The following PHF14 variants were observed in gnomAD, a reference collection of about 807,000 sequenced individuals.
PHF14 encodes the protein PHD finger protein 14.
A neutral mutation model predicts 117.9 loss-of-function variants in PHF14; 55 were observed. That is an observed-to-expected ratio of 0.47 (90% CI 0.38 to 0.58). The LOEUF (loss-of-function observed/expected upper bound fraction) is 0.58. Ranked by LOEUF, PHF14 falls within the 20% of genes least tolerant of loss-of-function variation. The pLI is 0.00. For missense variants in PHF14, 978 were observed against 1,122.2 expected (o/e 0.87, Z 1.84); for synonymous variants, 409 against 368.6 (o/e 1.11, Z -1.26).
chr7:11,151,972 A>G (rs1256692166), intron 17 of PHF14, among the ~76,000 whole-genome samples: 10 of 152,186 alleles, frequency 6.6e-5, no homozygotes. Flanking sequence ...TTTAAGAAGT[A>G]TACCACAATA....
chr7:11,084,858 T>G (rs1675421642), intron 16 of PHF14, among the ~76,000 whole-genome samples: 1 of 152,138 alleles, frequency 6.6e-6, no homozygotes, highest in Admixed American at 6.5e-5. Context: ...GATGAACCAT[T>G]TGGATTTTCA....
chr7:11,118,092 G>A (rs943391726), intron 17 of PHF14, among the ~76,000 whole-genome samples: 1 of 151,740 alleles, frequency 6.6e-6, no homozygotes, highest in Admixed American at 6.6e-5. Context: ...GCTTTACTGA[G>A]TTTTGGTTTG....
intron 2 of PHF14, among the ~76,000 whole-genome samples, chr7:10,975,411 C>G (rs1235571639): frequency 1.3e-5 from 2 of 152,128 alleles, no homozygotes; most frequent in Admixed American, 6.5e-5. Context: ...GTAAGAGTTG[C>G]ACTTCAAATT....
At chr7:11,017,263 C>G (rs1287921292) in intron 5 of PHF14, among the ~76,000 whole-genome samples, 1 of 151,910 alleles carries the variant, frequency 6.6e-6, no homozygotes, top group Non-Finnish European at 1.5e-5. Flanking sequence ...CGGATGTATA[C>G]CCAACAGTGC....
intron 4 of PHF14, among the ~76,000 whole-genome samples, chr7:10,994,083 G>A (rs1436200316): frequency 6.6e-6 from 1 of 151,914 alleles, no homozygotes; most frequent in Non-Finnish European, 1.5e-5. Flanking sequence ...CCTGAAGGAA[G>A]TAAAGGAGCA....
At chr7:10,986,823 A>C (rs1235729019) in intron 3 of PHF14, among the ~76,000 whole-genome samples, 1 of 152,220 alleles carries the variant, frequency 6.6e-6, no homozygotes, top group Non-Finnish European at 1.5e-5. Flanking sequence ...TTGCATGAGA[A>C]TTAATCCATG....
Position 11,019,852 on chromosome 7 carries a change from G to T in PHF14, c.1206-3016G>T, listed in dbSNP as rs145873576. Among the ~76,000 whole-genome samples the T allele has an allele frequency of 2.1e-3, 325 of 152,034 alleles. 1 individual carries two copies. The highest frequency in any genetic ancestry group is 7.3e-3 in the African/African-American group (303 of 41,494). ...TATTTGAAGTTTTTTCTCTTTTGATGTAGGTACCTATAGCTATAAACCTCC... is the reference window on the plus strand; with the variant it reads ...TATTTGAAGTTTTTTCTCTTTTGATTTAGGTACCTATAGCTATAAACCTCC... On this transcript the variant is annotated intron_variant, in intron 5 of 17. Coordinates refer to ENST00000634607, the MANE Select transcript of PHF14 (RefSeq NM_001007157.2).
At chr7:11,062,671 A>G in intron 16 of PHF14, 3 of 983,398 alleles carry the variant, frequency 3.1e-6, no homozygotes, top group Non-Finnish European at 2.4e-6. Context: ...TTTTAATCAG[A>G]CATAATGCTA....
intron 7 of PHF14, among the ~76,000 whole-genome samples, chr7:11,029,342 T>C (rs549099755): frequency 3.1e-4 from 47 of 152,314 alleles, no homozygotes; most frequent in African/African-American, 9.9e-4. Context: ...GTATTCTGAG[T>C]TTAAAACTAT....
chr7:11,164,680 A>G (rs1283271936), intron 17 of PHF14, among the ~76,000 whole-genome samples: 2 of 149,300 alleles, frequency 1.3e-5, no homozygotes, highest in African/African-American at 2.6e-5. Context: ...TAGTGTAGAA[A>G]TTTCCCATTT....
At position 11,051,720 on chromosome 7, in the gene PHF14, A is replaced by G. The variant is rs1389900526; in HGVS notation, c.2421A>G (p.Pro807=). 1 of 1,613,626 alleles carries G rather than the reference A, an allele frequency of 6.2e-7. No individual in the cohort carries two copies. ...GATCAAGGAGGCAGATTAAGGAACC[A>G]GTGAAATTTGTTCCACAGGATGTGC... ...TKRSRRQIKE[P]VKFVPQDVPP... Residue 807 remains proline, a synonymous_variant, in exon 14 of 18, where the codon CCA becomes CCG. Coordinates refer to ENST00000634607, the MANE Select transcript of PHF14 (RefSeq NM_001007157.2).
At chr7:11,048,034 G>A (rs1784734742) in intron 13 of PHF14, among the ~76,000 whole-genome samples, 1 of 151,808 alleles carries the variant, frequency 6.6e-6, no homozygotes, top group Admixed American at 6.5e-5. Context: ...TCCTGACATG[G>A]ATTTTTATTA....
At chr7:11,079,285 T>G (rs1379517648) in intron 16 of PHF14, among the ~76,000 whole-genome samples, 1 of 152,202 alleles carries the variant, frequency 6.6e-6, no homozygotes, top group Non-Finnish European at 1.5e-5. Context: ...GTAGCTGGCT[T>G]TTGCCATGGC....
intron 2 of PHF14, among the ~76,000 whole-genome samples, chr7:10,977,022 C>CT (rs1444886317): frequency 6.6e-6 from 1 of 151,498 alleles, no homozygotes; most frequent in African/African-American, 2.4e-5. Flanking sequence ...ATTTTTGACT[C>CT]TTGTTTTAGG....
At chr7:10,999,004 A>T (rs1274952322) in intron 4 of PHF14, among the ~76,000 whole-genome samples, 1 of 152,126 alleles carries the variant, frequency 6.6e-6, no homozygotes, top group Non-Finnish European at 1.5e-5. Context: ...CACATTTAGG[A>T]TTTCAAGCTT....
At chr7:11,092,585 T>C (rs1786680446) in intron 16 of PHF14, among the ~76,000 whole-genome samples, 1 of 152,202 alleles carries the variant, frequency 6.6e-6, no homozygotes, top group Admixed American at 6.5e-5. Flanking sequence ...AATTTAGCAA[T>C]AGTACCTCAG....
At chr7:11,138,947 C>CA in intron 17 of PHF14, among the ~76,000 whole-genome samples, 1 of 152,134 alleles carries the variant, frequency 6.6e-6, no homozygotes. Context: ...GATGATATTT[C>CA]TAAAACAAAT....
At chr7:11,045,171 C>T (rs548221373) in intron 13 of PHF14, among the ~76,000 whole-genome samples, 20 of 152,248 alleles carry the variant, frequency 1.3e-4, no homozygotes, top group African/African-American at 4.6e-4. Context: ...GGGCTTTCCC[C>T]CAGAGGGTCA....
At chr7:11,045,456 C>T (rs969745031) in intron 13 of PHF14, among the ~76,000 whole-genome samples, 1 of 152,122 alleles carries the variant, frequency 6.6e-6, no homozygotes, top group African/African-American at 2.4e-5. Flanking sequence ...GTGGTAGCAC[C>T]CTTACTACTA....
Sources: gnomAD v4.1 joint callset for allele counts (sites outside exome capture counted in the v4.1 genomes callset) on GRCh38, gnomAD v4.1.1 for gene constraint, MANE v1.5 for transcripts, NCBI Gene and HGNC (gene_info 2026-07-23, HGNC 2026-07-21) for gene names.